The following ROBO1 variants were observed in gnomAD, a reference collection of about 807,000 sequenced individuals.
ROBO1 encodes roundabout guidance receptor 1, also known as roundabout homolog 1.
A neutral mutation model predicts 195.9 loss-of-function variants in ROBO1; 149 were observed. That is an observed-to-expected ratio of 0.76 (90% CI 0.67 to 0.87). ROBO1 has a LOEUF of 0.87. Among genes scored for constraint, ROBO1 ranks in the 40% least tolerant of loss-of-function variants. The probability of loss-of-function intolerance (pLI) is 0.00; values close to 1 mark genes in which losing one functional copy is unlikely to be tolerated. For synonymous variants in ROBO1, 816 were observed against 733.2 expected (o/e 1.11, Z -1.82); for missense variants, 1,933 against 2,068.3 (o/e 0.93, Z 1.27).
chr3:79,588,760 C>A (rs1261365827), intron 2 of ROBO1, among the ~76,000 whole-genome samples: 2 of 151,664 alleles, frequency 1.3e-5, no homozygotes, highest in African/African-American at 4.8e-5. Context: ...TAATTTGATA[C>A]AAATCATTAA....
At chr3:78,967,245 G>A (rs538570178) in intron 3 of ROBO1, among the ~76,000 whole-genome samples, 1 of 152,252 alleles carries the variant, frequency 6.6e-6, no homozygotes, top group East Asian at 1.9e-4. Flanking sequence ...GAAATATAAG[G>A]ACATGTGACT....
At chr3:78,899,734 T>C (rs1006595933) in intron 4 of ROBO1, among the ~76,000 whole-genome samples, 8 of 152,158 alleles carry the variant, frequency 5.3e-5, no homozygotes, top group East Asian at 1.9e-4. Context: ...TTTTAATCAC[T>C]ATTTCTCTCA....
intron 1 of ROBO1, among the ~76,000 whole-genome samples, chr3:79,625,151 T>C (rs1219317945): frequency 6.6e-6 from 1 of 151,286 alleles, no homozygotes; most frequent in Non-Finnish European, 1.5e-5. Flanking sequence ...TTGAAACCAA[T>C]GAGAAAAAAG....
Position 78,980,012 on chromosome 3 carries a change from T to C in ROBO1, c.173-41085A>G, listed in dbSNP as rs556901737. 3.2e-4 allele frequency among the ~76,000 whole-genome samples: 48 copies of C among 152,304 alleles called. 1 individual carries two copies. The South Asian group carries it at 8.5e-3, about 27-fold the overall frequency. ...TATTTATTAAAACGCACCTTGAGCA[T>C]GTTACAAGTAAAACAATAATTTCCT... On this transcript the variant is annotated intron_variant, in intron 3 of 30. Coordinates refer to ENST00000464233, the MANE Select transcript of ROBO1 (RefSeq NM_002941.4).
chr3:79,311,332 A>C (rs528496964), intron 2 of ROBO1, among the ~76,000 whole-genome samples: 2 of 152,204 alleles, frequency 1.3e-5, no homozygotes, highest in Non-Finnish European at 2.9e-5. Flanking sequence ...TCTATATCAT[A>C]ATACTAAAAA....
intron 2 of ROBO1, among the ~76,000 whole-genome samples, chr3:79,303,873 T>C (rs2033100061): frequency 6.6e-6 from 1 of 152,016 alleles, no homozygotes; most frequent in African/African-American, 2.4e-5. Context: ...TTTCTGTGAC[T>C]GGTCAGTTCT....
At chr3:79,425,395 ATCT>A (rs2106968377) in intron 2 of ROBO1, among the ~76,000 whole-genome samples, 1 of 152,278 alleles carries the variant, frequency 6.6e-6, no homozygotes, top group South Asian at 2.1e-4. Context: ...GACCTCTCTG[ATCT>A]TCTGAATCCT....
chr3:78,952,586 T>C (rs374930496), intron 3 of ROBO1, among the ~76,000 whole-genome samples: 2 of 151,908 alleles, frequency 1.3e-5, no homozygotes, highest in East Asian at 1.9e-4. Context: ...GCAGCACCCA[T>C]TAATTACTCA....
At chr3:78,820,021 C>T (rs910743885) in intron 4 of ROBO1, among the ~76,000 whole-genome samples, 20 of 152,130 alleles carry the variant, frequency 1.3e-4, no homozygotes, top group Admixed American at 3.3e-4. Context: ...TTATAATGCA[C>T]CCAGATTGCT....
intron 2 of ROBO1, among the ~76,000 whole-genome samples, chr3:79,214,917 G>GT (rs2082029051): frequency 6.7e-6 from 1 of 150,020 alleles, no homozygotes; most frequent in Non-Finnish European, 1.5e-5. Flanking sequence ...CATTTTGTTT[G>GT]TGAATGCTGT....
At chr3:79,672,031 A>G (rs1418636206) in intron 1 of ROBO1, among the ~76,000 whole-genome samples, 1 of 151,966 alleles carries the variant, frequency 6.6e-6, no homozygotes, top group Non-Finnish European at 1.5e-5. Context: ...ATTCTCATTC[A>G]TTGATCACAA....
chr3:78,678,079 G>A (rs935489404), intron 10 of ROBO1, among the ~76,000 whole-genome samples: 1 of 152,164 alleles, frequency 6.6e-6, no homozygotes, highest in African/African-American at 2.4e-5. Flanking sequence ...TGACTACTGG[G>A]TGCATAACGA....
chr3:79,001,854 G>A (rs1178982891), intron 3 of ROBO1, among the ~76,000 whole-genome samples: 1 of 151,994 alleles, frequency 6.6e-6, no homozygotes, highest in African/African-American at 2.4e-5. Flanking sequence ...CAATATTAAG[G>A]ATAAGCAAAA....
chr3:78,614,836 C>T, intron 27 of ROBO1, 36 bp from the exon 28 acceptor site: 1 of 1,527,076 alleles, frequency 6.5e-7, no homozygotes, highest in Non-Finnish European at 8.8e-7. Context: ...AAGCCAAACT[C>T]ATCAGTGAAT....
chr3:78,790,158 GTTC>G (rs1448976724), intron 4 of ROBO1, among the ~76,000 whole-genome samples: 1 of 151,906 alleles, frequency 6.6e-6, no homozygotes, highest in South Asian at 2.1e-4. Flanking sequence ...TAACTTTCTT[GTTC>G]TTCTTATACC....
intron 2 of ROBO1, among the ~76,000 whole-genome samples, chr3:79,191,646 T>C (rs923680914): frequency 6.6e-6 from 1 of 151,464 alleles, no homozygotes; most frequent in African/African-American, 2.4e-5. Context: ...TGGAAATTAA[T>C]GTATGAAATA....
chr3:79,660,482 T>G (rs958796144), intron 1 of ROBO1, among the ~76,000 whole-genome samples: 1 of 152,052 alleles, frequency 6.6e-6, no homozygotes, highest in Non-Finnish European at 1.5e-5. Flanking sequence ...TTCCTCTTTC[T>G]GCAAACCTGT....
At chr3:79,114,140 G>A (rs562181421) in intron 3 of ROBO1, among the ~76,000 whole-genome samples, 1 of 152,202 alleles carries the variant, frequency 6.6e-6, no homozygotes, top group African/African-American at 2.4e-5. Context: ...CTATGATTAT[G>A]AGGCCTCCCA....
intron 4 of ROBO1, among the ~76,000 whole-genome samples, chr3:78,794,002 T>C (rs543753716): frequency 2.2e-4 from 33 of 152,320 alleles, no homozygotes; most frequent in African/African-American, 7.2e-4. Flanking sequence ...TAATTAACTT[T>C]GTGACTTTTA....
Sources: allele counts gnomAD v4.1 joint callset (sites outside exome capture counted in the v4.1 genomes callset), GRCh38; gene constraint gnomAD v4.1.1; transcripts MANE v1.5; gene names NCBI Gene and HGNC (gene_info 2026-07-23, HGNC 2026-07-21).